HDAC9: variants seen among roughly 807,000 people sequenced by gnomAD.
The protein encoded by HDAC9 is histone deacetylase 9, also known as MEF-2 interacting transcription repressor (MITR) protein.
In HDAC9, 41 loss-of-function variants were observed where a neutral mutation model predicts 139.4. The ratio of observed to expected loss-of-function variants is 0.29; its 90% CI spans 0.23 to 0.38. HDAC9 has a LOEUF of 0.38. HDAC9 is among the 10% of genes least tolerant of loss of function. The pLI, the probability that HDAC9 is intolerant of heterozygous loss-of-function variation, is 1.00. For synonymous variants in HDAC9, 517 were observed against 476.2 expected (o/e 1.09, Z -1.12); for missense variants, 1,147 against 1,297.0 (o/e 0.88, Z 1.78).
chr7:18,210,890 T>C (rs1791892629), intron 2 of HDAC9, among the ~76,000 whole-genome samples: 1 of 152,212 alleles, frequency 6.6e-6, no homozygotes, highest in South Asian at 2.1e-4. Flanking sequence ...ATTATCTGTT[T>C]TTATCATCAG....
chr7:18,117,791 C>A (rs756005500), intron 1 of HDAC9, among the ~76,000 whole-genome samples: 1 of 152,130 alleles, frequency 6.6e-6, no homozygotes, highest in Middle Eastern at 3.2e-3. Flanking sequence ...TTTAAGCTGC[C>A]CAGTCTGTGG....
chr7:18,615,769 A>G (rs1838410066), intron 6 of HDAC9, among the ~76,000 whole-genome samples: 1 of 152,208 alleles, frequency 6.6e-6, no homozygotes, highest in African/African-American at 2.4e-5. Context: ...ATTTCAGAAT[A>G]TTCAGACTTC....
chr7:18,772,995 A>T (rs773950310), intron 16 of HDAC9, among the ~76,000 whole-genome samples: 1 of 152,132 alleles, frequency 6.6e-6, no homozygotes, highest in African/African-American at 2.4e-5. Flanking sequence ...AGAGATACAC[A>T]TGTATACATT....
intron 12 of HDAC9, among the ~76,000 whole-genome samples, chr7:18,670,120 G>A (rs1795580919): frequency 6.6e-6 from 1 of 151,842 alleles, no homozygotes; most frequent in Non-Finnish European, 1.5e-5. Context: ...GCTGTAATAT[G>A]TATAAATTGT....
At chr7:18,705,672 G>A (rs993198138) in intron 12 of HDAC9, among the ~76,000 whole-genome samples, 15 of 151,816 alleles carry the variant, frequency 9.9e-5, no homozygotes, top group African/African-American at 3.1e-4. Flanking sequence ...CCAACATGCC[G>A]AAACCCCGTT....
At chr7:18,550,542 TAGTG>T in intron 2 of HDAC9, among the ~76,000 whole-genome samples, 1 of 152,292 alleles carries the variant, frequency 6.6e-6, no homozygotes, top group South Asian at 2.1e-4. Context: ...TTTTAGAAGT[TAGTG>T]AGTGCTATGG....
intron 22 of HDAC9, among the ~76,000 whole-genome samples, chr7:18,915,736 T>A (rs567177075): frequency 6.6e-6 from 1 of 151,642 alleles, no homozygotes; most frequent in South Asian, 2.1e-4. Flanking sequence ...AGCCCAGAAA[T>A]TAAAACGAAA....
At chr7:18,433,667 A>G (rs1230976514) in intron 1 of HDAC9, among the ~76,000 whole-genome samples, 1 of 152,144 alleles carries the variant, frequency 6.6e-6, no homozygotes, top group Non-Finnish European at 1.5e-5. Context: ...CCCATTCACA[A>G]TAGACACACA....
intron 2 of HDAC9, among the ~76,000 whole-genome samples, chr7:18,546,627 A>T (rs1483578065): frequency 1.3e-5 from 2 of 152,140 alleles, no homozygotes; most frequent in Admixed American, 6.5e-5. Context: ...TAAAATAGGC[A>T]AGTTGTTTGC....
intron 2 of HDAC9, among the ~76,000 whole-genome samples, chr7:18,573,513 A>G (rs1183809300): frequency 6.6e-6 from 1 of 152,076 alleles, no homozygotes; most frequent in African/African-American, 2.4e-5. Flanking sequence ...GTTTCTTTCC[A>G]CCCACTCGGC....
intron 1 of HDAC9, chr7:18,430,441 G>A (rs1411463044): frequency 6.6e-6 from 1 of 152,156 alleles, no homozygotes; most frequent in Non-Finnish European, 1.5e-5. Context: ...CCAGGCTGGT[G>A]TCAAACTCCT....
At position 18,840,982 on chromosome 7, in the gene HDAC9, C is replaced by T. The variant is rs149471870; in HGVS notation, c.2684+4985C>T. ...ATAAAACCTTTTATTGTCATATCCA[C>T]ACTGCAAGTGCTCCTTGGACAAGTC... On this transcript the variant is annotated intron_variant, in intron 21 of 25. Transcript: ENST00000686413. Among the ~76,000 whole-genome samples, 12 of 152,176 alleles carry T rather than the reference C, an allele frequency of 7.9e-5. No homozygotes were observed. The East Asian group carries it at 2.3e-3, about 29-fold the overall frequency.
At chr7:18,254,741 T>A (rs1562798735) in intron 2 of HDAC9, among the ~76,000 whole-genome samples, 1 of 152,338 alleles carries the variant, frequency 6.6e-6, no homozygotes, top group African/African-American at 2.4e-5. Flanking sequence ...AATCACACAC[T>A]TAAAATAATT....
In HDAC9 at chr7:18,507,294, C is replaced by T. The variant is rs543610591; in HGVS notation, c.22+10970C>T. ...CAAGCTCCACCTCCCGGGTTCACAC[C>T]AATCTCCCACCTCAGCCTCCCGAGT... On this transcript the variant is annotated intron_variant, in intron 2 of 25. Transcript: ENST00000686413. Among the ~76,000 whole-genome samples the T allele has an allele frequency of 7.9e-3, 1,180 of 148,748 alleles. 16 individuals are homozygous for T. The highest frequency in any genetic ancestry group is 0.028 in the African/African-American group (1,117 of 40,428).
chr7:18,283,402 A>C (rs1376829785), intron 2 of HDAC9, among the ~76,000 whole-genome samples: 1 of 152,174 alleles, frequency 6.6e-6, no homozygotes, highest in African/African-American at 2.4e-5. Flanking sequence ...TTACAATTTG[A>C]GATGAGATTT....
chr7:18,625,373 C>G (rs780754635), intron 6 of HDAC9, among the ~76,000 whole-genome samples: 2 of 152,134 alleles, frequency 1.3e-5, no homozygotes, highest in Non-Finnish European at 2.9e-5. Flanking sequence ...CTGCCATTGA[C>G]TGATTGCCTG....
intron 1 of HDAC9, among the ~76,000 whole-genome samples, chr7:18,386,520 G>A (rs571353327): frequency 1.2e-4 from 18 of 152,126 alleles, no homozygotes; most frequent in African/African-American, 4.3e-4. Flanking sequence ...AAAACAACCT[G>A]AGGCCACACC....
At chr7:18,737,155 A>C (rs1377900846) in intron 13 of HDAC9, among the ~76,000 whole-genome samples, 1 of 152,020 alleles carries the variant, frequency 6.6e-6, no homozygotes, top group Non-Finnish European at 1.5e-5. Flanking sequence ...CTAGCAGTCT[A>C]TCAATTTTGT....
chr7:18,454,745 A>G (rs1793191786), intron 1 of HDAC9, among the ~76,000 whole-genome samples: 1 of 152,058 alleles, frequency 6.6e-6, no homozygotes, highest in African/African-American at 2.4e-5. Context: ...CATTTATCCT[A>G]AAAAATGTGG....
Sources: allele counts gnomAD v4.1 joint callset (sites outside exome capture counted in the v4.1 genomes callset), GRCh38; gene constraint gnomAD v4.1.1; transcripts MANE v1.5; gene names NCBI Gene and HGNC (gene_info 2026-07-23, HGNC 2026-07-21).